The following DMD variants were observed in gnomAD, a reference collection of about 807,000 sequenced individuals.
The protein encoded by DMD is mutant dystrophin.
DMD carries 63 observed loss-of-function variants against 330.1 expected under a neutral mutation model. The ratio of observed to expected loss-of-function variants is 0.19; its 90% CI spans 0.16 to 0.24. The LOEUF (loss-of-function observed/expected upper bound fraction) is 0.24, where lower values mean the gene tolerates loss of function less well. DMD is among the 10% of genes least tolerant of loss of function. DMD has a pLI of 1.00. For missense variants in DMD, 3,344 were observed against 2,684.1 expected, an observed-to-expected ratio of 1.25 and a Z score of -5.43; for synonymous variants, 1,223 against 959.8, an observed-to-expected ratio of 1.27 and a Z score of -5.07.
At chrX:33,009,402 A>ATGTGTATATACACATGTGTGTATATG (rs2093549925) in intron 2 of DMD, among the ~76,000 whole-genome samples, 2 of 90,431 alleles carry the variant, frequency 2.2e-5, no homozygotes, top group African/African-American at 4.2e-5. Flanking sequence ...ATGTGTGTAT[A>ATGTGTATATACACATGTGTGTATATG]TGTGTATATA....
At chrX:33,165,984 C>T (rs186287423) in intron 1 of DMD, among the ~76,000 whole-genome samples, 5 of 110,898 alleles carry the variant, frequency 4.5e-5, no homozygotes, top group African/African-American at 1.6e-4. Context: ...AAGAAGGTAA[C>T]TGAAAGTGAT....
At chrX:33,289,318 G>A (rs936348223) in intron 1 of DMD, among the ~76,000 whole-genome samples, 4 of 110,869 alleles carry the variant, frequency 3.6e-5, no homozygotes, top group African/African-American at 1.3e-4. Flanking sequence ...AAAGATGTAA[G>A]TAGAATATGG....
intron 7 of DMD, among the ~76,000 whole-genome samples, chrX:32,736,070 GA>G (rs1370450273): frequency 9.0e-6 from 1 of 111,330 alleles, no homozygotes; most frequent in African/African-American, 3.3e-5. Flanking sequence ...AAATTTACAA[GA>G]AAAAACAAAC....
chrX:31,472,548 G>A (rs917891433), intron 59 of DMD, among the ~76,000 whole-genome samples: 10 of 112,050 alleles, frequency 8.9e-5, no homozygotes, highest in African/African-American at 3.2e-4. Flanking sequence ...CTATTCAGAG[G>A]AAATATGCTT....
intron 9 of DMD, among the ~76,000 whole-genome samples, chrX:32,649,559 TAAAAAAAAAAA>T (rs1161462889): frequency 1.8e-5 from 1 of 54,280 alleles, no homozygotes; most frequent in Non-Finnish European, 2.9e-5. Context: ...CCGTCTCTTT[TAAAAAAAAAAA>T]AAAAAAAAAA....
chrX:32,229,773 A>G (rs1194705441), intron 43 of DMD, among the ~76,000 whole-genome samples: 2 of 94,279 alleles, frequency 2.1e-5, no homozygotes, highest in African/African-American at 7.7e-5. Context: ...AACCATCGCC[A>G]CCATGAAGGC....
intron 7 of DMD, among the ~76,000 whole-genome samples, chrX:32,708,766 A>G (rs2064917944): frequency 9.0e-6 from 1 of 111,195 alleles, no homozygotes; most frequent in Non-Finnish European, 1.9e-5. Flanking sequence ...CACTGATGTG[A>G]CTCTCTCAGC....
At chrX:32,854,571 CAA>C (rs1201969423) in intron 2 of DMD, among the ~76,000 whole-genome samples, 37 of 61,562 alleles carry the variant, frequency 6.0e-4, no homozygotes, top group Middle Eastern at 8.3e-3. Flanking sequence ...GCACTTGTAT[CAA>C]AAAAAAAAAA....
chrX:32,680,000 C>T (rs1176008855), intron 9 of DMD, among the ~76,000 whole-genome samples: 2 of 99,575 alleles, frequency 2.0e-5, no homozygotes, highest in African/African-American at 3.8e-5. Flanking sequence ...CTGCAACCTC[C>T]GCCTCTGGGG....
At chrX:32,683,537 G>A (rs1196607633) in intron 9 of DMD, among the ~76,000 whole-genome samples, 43 of 104,337 alleles carry the variant, frequency 4.1e-4, no homozygotes, top group Admixed American at 8.5e-4. Flanking sequence ...GCAAACTATC[G>A]CAAGGACAAA....
At position 32,621,734 on chromosome X, in the gene DMD, A is replaced by G. The variant is rs143049483; in HGVS notation, c.1332-7281T>C. Among the ~76,000 whole-genome samples the G allele has an allele frequency of 1.2e-4, 13 of 110,636 alleles. No homozygotes were observed. The East Asian group carries it at 3.2e-3, about 27-fold the overall frequency. ...AACGGGATGGCTCAATATTTTAATGACTGGTACAGTCACATCAATGTCTCC... is the reference window on the plus strand; with the variant it reads ...AACGGGATGGCTCAATATTTTAATGGCTGGTACAGTCACATCAATGTCTCC... On this transcript the variant is annotated intron_variant, in intron 11 of 78. Coordinates refer to ENST00000357033, the MANE Select transcript of DMD (RefSeq NM_004006.3).
intron 25 of DMD, among the ~76,000 whole-genome samples, chrX:32,459,609 C>T (rs2098375903): frequency 9.0e-6 from 1 of 111,018 alleles, no homozygotes; most frequent in Non-Finnish European, 1.9e-5. Context: ...GTAAGCTATT[C>T]CATTTTGTTC....
At chrX:31,190,605 G>GGGGT (rs2042229237) in intron 67 of DMD, among the ~76,000 whole-genome samples, 1 of 26,988 alleles carries the variant, frequency 3.7e-5, no homozygotes. Flanking sequence ...GGGGGGGGGG[G>GGGGT]GGGGGGAGGG....
At position 32,849,749 on chromosome X, in the gene DMD, T is replaced by A; in HGVS notation, c.165A>T (p.Glu55Asp). 1 of 1,208,481 alleles carries A rather than the reference T, an allele frequency of 8.3e-7. No homozygotes were observed. Among genetic ancestry groups the A allele is most frequent in the Non-Finnish European group, 1.1e-6 (1 of 892,872 alleles). The change falls in exon 3 of 79, where the codon GAA (glutamate) becomes GAT (aspartate). Residue 55 changes from glutamate (E) to aspartate (D), a missense_variant. Transcript: ENST00000357033. Reference protein sequence around the residue: ...QDGRRLLDLLEGLTGQKLPKE... With the variant: ...QDGRRLLDLLDGLTGQKLPKE... ...ATACCAGTTTTTGCCCTGTCAGGCC[T>A]TCGAGGAGGTCTAGGAGGCGCCTCC...
intron 63 of DMD, among the ~76,000 whole-genome samples, chrX:31,236,384 A>C: frequency 8.9e-6 from 1 of 112,672 alleles, no homozygotes; most frequent in Non-Finnish European, 1.9e-5. Flanking sequence ...AACAAAATGC[A>C]GAAGACTAAA....
chrX:31,891,045 T>C (rs2149761328), intron 47 of DMD, among the ~76,000 whole-genome samples: 1 of 112,057 alleles, frequency 8.9e-6, no homozygotes, highest in East Asian at 2.8e-4. Context: ...CAATGAAACA[T>C]GGCTAACAAA....
At chrX:31,654,479 TTAAGA>T (rs889128955) in intron 54 of DMD, among the ~76,000 whole-genome samples, 11 of 111,908 alleles carry the variant, frequency 9.8e-5, no homozygotes, top group African/African-American at 3.6e-4. Flanking sequence ...TCTTTCCTTT[TTAAGA>T]TGAGTTTAAT....
chrX:32,782,077 A>T (rs2148549542), intron 7 of DMD, among the ~76,000 whole-genome samples: 1 of 112,046 alleles, frequency 8.9e-6, no homozygotes, highest in African/African-American at 3.2e-5. Context: ...TTTTTAGAAT[A>T]AAAACCAATT....
intron 59 of DMD, among the ~76,000 whole-genome samples, chrX:31,456,397 G>A (rs2066162264): frequency 8.9e-6 from 1 of 111,789 alleles, no homozygotes; most frequent in South Asian, 3.8e-4. Context: ...TCCTTTGCCG[G>A]GTAGCTACCT....
Sources: gnomAD v4.1 joint callset for allele counts (sites outside exome capture counted in the v4.1 genomes callset) on GRCh38, gnomAD v4.1.1 for gene constraint, MANE v1.5 for transcripts, NCBI Gene and HGNC (gene_info 2026-07-23, HGNC 2026-07-21) for gene names.